IQCM: variants seen among roughly 807,000 people sequenced by gnomAD.
IQCM encodes the protein IQ motif containing M, also known as IQ domain-containing protein M.
IQCM carries 45 observed loss-of-function variants against 57.6 expected under a neutral mutation model. The observed-to-expected ratio is 0.78, with a 90% CI of 0.62 to 1.00. IQCM has a LOEUF of 1.00. Ranked by LOEUF, IQCM falls within the 50% of genes least tolerant of loss-of-function variation. IQCM has a pLI of 0.00. For missense variants in IQCM, 468 were observed against 511.6 expected, an observed-to-expected ratio of 0.91 and a Z score of 0.82; for synonymous variants, 148 against 158.9, an observed-to-expected ratio of 0.93 and a Z score of 0.51.
At chr4:149,599,339 C>T (rs1018187478) in intron 8 of IQCM, among the ~76,000 whole-genome samples, 1 of 152,026 alleles carries the variant, frequency 6.6e-6, no homozygotes, top group Non-Finnish European at 1.5e-5. Context: ...ATTATAATTA[C>T]ATTTACACAA....
At position 149,449,741 on chromosome 4, in the gene IQCM, T is replaced by C. The variant is rs956633883; in HGVS notation, c.1229-16184A>G. ...AAAAAAGGAAGATATTTCATGTTCA[T>C]GGATTGAAAGAATCAGTTTTGTTAA... On this transcript the variant is annotated intron_variant, in intron 12 of 13. Coordinates refer to ENST00000636793, the MANE Select transcript of IQCM (RefSeq NM_001363507.2). Among the ~76,000 whole-genome samples, 4 of 151,768 alleles carry C rather than the reference T, an allele frequency of 2.6e-5. No individual in the cohort carries two copies. In the Admixed American group the frequency reaches 2.6e-4, roughly 10 times the overall value.
intron 7 of IQCM, among the ~76,000 whole-genome samples, chr4:149,654,699 A>G (rs909366862): frequency 6.6e-6 from 1 of 152,166 alleles, no homozygotes; most frequent in African/African-American, 2.4e-5. Flanking sequence ...AGGTAGTACA[A>G]ATATAGAAAT....
At chr4:149,692,522 G>A (rs1275988719) in intron 5 of IQCM, among the ~76,000 whole-genome samples, 1 of 151,948 alleles carries the variant, frequency 6.6e-6, no homozygotes, top group Admixed American at 6.6e-5. Context: ...AAATACTTTG[G>A]GTATAATCCT....
intron 10 of IQCM, among the ~76,000 whole-genome samples, chr4:149,555,238 A>G (rs1160233941): frequency 6.6e-6 from 1 of 152,166 alleles, no homozygotes; most frequent in Non-Finnish European, 1.5e-5. Flanking sequence ...TCTTTTAAAA[A>G]AAATAATAAA....
intron 12 of IQCM, among the ~76,000 whole-genome samples, chr4:149,456,918 C>G (rs1737767627): frequency 6.6e-6 from 1 of 151,940 alleles, no homozygotes; most frequent in African/African-American, 2.4e-5. Flanking sequence ...TCTATGTAGC[C>G]CAGTGGTGTC....
chr4:149,451,283 T>C (rs1313800356), intron 12 of IQCM, among the ~76,000 whole-genome samples: 4 of 151,790 alleles, frequency 2.6e-5, no homozygotes, highest in Non-Finnish European at 5.9e-5. Flanking sequence ...CACAACAGGG[T>C]GACTTTAGTC....
chr4:149,442,190 TTC>T lies in IQCM; in HGVS notation c.1229-8635_1229-8634del, dbSNP rs1297149131. Among the ~76,000 whole-genome samples the T allele has an allele frequency of 4.6e-5, 7 of 152,150 alleles. No homozygotes were observed. The East Asian group carries it at 1.2e-3, about 25-fold the overall frequency. The stretch of plus-strand genomic sequence containing the variant: ...TTCAAAGAGCCTTTGTGTGACTAAA[TTC>T]TCTTTTTGATCTTTCTGAGGTATCA... On this transcript the variant is annotated intron_variant, in intron 12 of 13. Coordinates refer to ENST00000636793, the MANE Select transcript of IQCM (RefSeq NM_001363507.2).
At chr4:149,384,746 A>G (rs1731300111) in intron 13 of IQCM, among the ~76,000 whole-genome samples, 2 of 149,708 alleles carry the variant, frequency 1.3e-5, no homozygotes, top group Non-Finnish European at 3.0e-5. Flanking sequence ...TCTCCTGTTA[A>G]TCTTTTTTTT....
At position 149,543,042 on chromosome 4, in the gene IQCM, C is replaced by T. The variant is rs1339474257; in HGVS notation, c.1228+5413G>A. On this transcript the variant is annotated intron_variant, in intron 12 of 13. Coordinates refer to ENST00000636793, the MANE Select transcript of IQCM (RefSeq NM_001363507.2). ...TAAAATAATGAGTAGAGAAAAATACCCCTATGAAACTGTTAATTTGAAAAA... is the reference window on the plus strand; with the variant it reads ...TAAAATAATGAGTAGAGAAAAATACTCCTATGAAACTGTTAATTTGAAAAA... Among the ~76,000 whole-genome samples the T allele has an allele frequency of 4.0e-5, 6 of 150,372 alleles. No individual in the cohort carries two copies. In the East Asian group the frequency reaches 1.2e-3, roughly 30 times the overall value.
At chr4:149,625,749 T>C (rs1209476965) in intron 7 of IQCM, among the ~76,000 whole-genome samples, 1 of 152,130 alleles carries the variant, frequency 6.6e-6, no homozygotes, top group Non-Finnish European at 1.5e-5. Context: ...GTCCAGCTTC[T>C]AGGGAGAAAA....
intron 3 of IQCM, among the ~76,000 whole-genome samples, chr4:149,742,257 AT>A (rs920429350): frequency 1.3e-5 from 2 of 152,170 alleles, no homozygotes; most frequent in African/African-American, 4.8e-5. Flanking sequence ...CTTAATCTGT[AT>A]TTACATTTTA....
intron 9 of IQCM, among the ~76,000 whole-genome samples, chr4:149,567,684 T>C (rs917553922): frequency 5.3e-5 from 8 of 151,958 alleles, no homozygotes; most frequent in Non-Finnish European, 1.2e-4. Flanking sequence ...AACAAAACAA[T>C]TATAATGTCT....
At chr4:149,361,756 C>T (rs933718476) in intron 13 of IQCM, among the ~76,000 whole-genome samples, 1 of 152,190 alleles carries the variant, frequency 6.6e-6, no homozygotes, top group Admixed American at 6.5e-5. Flanking sequence ...TCACGGAGAA[C>T]CTCTGCAAGG....
At chr4:149,407,751 G>A (rs1479499763) in intron 13 of IQCM, among the ~76,000 whole-genome samples, 1 of 152,098 alleles carries the variant, frequency 6.6e-6, no homozygotes, top group African/African-American at 2.4e-5. Context: ...AGTCAGTTTG[G>A]AACAGTTGAT....
At chr4:149,731,465 A>G (rs1021484285) in intron 5 of IQCM, among the ~76,000 whole-genome samples, 3 of 152,190 alleles carry the variant, frequency 2.0e-5, no homozygotes, top group Non-Finnish European at 4.4e-5. Context: ...TAGTCTGTTT[A>G]TAAATTATTC....
chr4:149,750,906 T>C (rs1002175470), intron 2 of IQCM, among the ~76,000 whole-genome samples: 2 of 152,220 alleles, frequency 1.3e-5, no homozygotes, highest in Admixed American at 6.5e-5. Context: ...AATAGTGATG[T>C]TAAAGAGCAA....
intron 2 of IQCM, among the ~76,000 whole-genome samples, chr4:149,799,736 G>A (rs1258319169): frequency 1.3e-5 from 2 of 151,522 alleles, no homozygotes; most frequent in Admixed American, 1.3e-4. Flanking sequence ...AGAAGAAATG[G>A]ACAGATTCCA....
At chr4:149,568,961 C>T (rs765965393) in intron 9 of IQCM, among the ~76,000 whole-genome samples, 4 of 152,114 alleles carry the variant, frequency 2.6e-5, no homozygotes, top group Admixed American at 6.5e-5. Flanking sequence ...TCTTGTGAAT[C>T]GGTCTAGCCA....
At chr4:149,651,508 C>T (rs1486199252) in intron 7 of IQCM, among the ~76,000 whole-genome samples, 1 of 152,108 alleles carries the variant, frequency 6.6e-6, no homozygotes, top group East Asian at 1.9e-4. Flanking sequence ...GAACACTGCT[C>T]TGGCTACTGT....
Sources: allele counts gnomAD v4.1 joint callset (sites outside exome capture counted in the v4.1 genomes callset), GRCh38; gene constraint gnomAD v4.1.1; transcripts MANE v1.5; gene names NCBI Gene and HGNC (gene_info 2026-07-23, HGNC 2026-07-21).